The following PKHD1 variants were observed in gnomAD, a reference collection of about 807,000 sequenced individuals.
PKHD1 encodes the protein fibrocystin.
PKHD1 carries 291 observed loss-of-function variants against 412.0 expected under a neutral mutation model. The observed-to-expected ratio is 0.71, with a 90% CI of 0.64 to 0.78. The LOEUF is 0.78. PKHD1 is among the 30% of genes least tolerant of loss of function. The pLI is 0.00. For missense variants in PKHD1, 4,825 were observed against 4,950.7 expected, an observed-to-expected ratio of 0.97 and a Z score of 0.76; for synonymous variants, 1,777 against 1,821.5, an observed-to-expected ratio of 0.98 and a Z score of 0.62.
At chr6:51,885,534 T>A (rs903284403) in intron 45 of PKHD1, among the ~76,000 whole-genome samples, 2 of 152,164 alleles carry the variant, frequency 1.3e-5, no homozygotes, top group African/African-American at 4.8e-5. Flanking sequence ...TTTCTATCTC[T>A]AAGTAGAGAT....
At chr6:52,003,348 A>G (rs1562105465) in intron 35 of PKHD1, among the ~76,000 whole-genome samples, 3 of 152,206 alleles carry the variant, frequency 2.0e-5, no homozygotes, top group Admixed American at 2.0e-4. Flanking sequence ...CTTAAAGACC[A>G]CAGCTTTAAT....
intron 20 of PKHD1, among the ~76,000 whole-genome samples, 179 bp from the exon 21 acceptor site, chr6:52,053,430 G>C (rs1313126939): frequency 5.9e-5 from 9 of 152,184 alleles, no homozygotes; most frequent in Admixed American, 5.9e-4. Context: ...ACCCAAGATG[G>C]GATCAGCTCA....
At position 52,013,173 on chromosome 6, in the gene PKHD1, T is replaced by C. The variant is rs1006667482; in HGVS notation, c.5601-2714A>G. 2.2e-4 allele frequency among the ~76,000 whole-genome samples: 34 copies of C among 152,208 alleles called. 1 individual carries two copies. The highest frequency in any genetic ancestry group is 8.0e-4 in the African/African-American group (33 of 41,452). Reference sequence around the variant, plus strand: ...TCTACATCCTTTCTTGGCCTTGGGCTTCCACTTGCCTCATAAACCTTCTTA... The same window carrying C: ...TCTACATCCTTTCTTGGCCTTGGGCCTCCACTTGCCTCATAAACCTTCTTA... On this transcript the variant is annotated intron_variant, in intron 34 of 66. Transcript: ENST00000371117.
At chr6:51,894,874 T>C (rs929040978) in intron 43 of PKHD1, among the ~76,000 whole-genome samples, 1 of 152,238 alleles carries the variant, frequency 6.6e-6, no homozygotes, top group Non-Finnish European at 1.5e-5. Flanking sequence ...GGGAGCTAGA[T>C]GAAGAGCACA....
chr6:51,912,463 TG>T lies in PKHD1; in HGVS notation c.6234del (p.Ile2079SerfsTer32). ...VDWNPGDEVV[I>X]ISGTGVKGAK... ...GCACCTTTAACACCTGTTCCACTGATGATGACAACTTCATCCCCAGGGTTCC... is the reference window on the plus strand; with the variant it reads ...GCACCTTTAACACCTGTTCCACTGATATGACAACTTCATCCCCAGGGTTCC... On this transcript the variant is annotated frameshift_variant, in exon 38 of 67. Transcript: ENST00000371117. LOFTEE classifies it high-confidence loss of function. 6.2e-7 allele frequency: 1 copy of T among 1,612,762 alleles called. No individual in the cohort carries two copies.
chr6:52,076,577 C>G (rs1811358520), intron 5 of PKHD1, among the ~76,000 whole-genome samples: 1 of 152,184 alleles, frequency 6.6e-6, no homozygotes, highest in Non-Finnish European at 1.5e-5. Context: ...ACATAGCCCT[C>G]TATTCTGTAC....
intron 53 of PKHD1, among the ~76,000 whole-genome samples, chr6:51,779,951 G>A (rs1791699598): frequency 6.6e-6 from 1 of 151,966 alleles, no homozygotes; most frequent in Admixed American, 6.6e-5. Flanking sequence ...TGATAAAGCA[G>A]TTTAACAAAT....
At chr6:51,707,837 T>C (rs986469469) in intron 60 of PKHD1, among the ~76,000 whole-genome samples, 3 of 152,210 alleles carry the variant, frequency 2.0e-5, no homozygotes, top group Non-Finnish European at 4.4e-5. Context: ...AATGCTTTTA[T>C]TCTGTGAATT....
intron 6 of PKHD1, 30 bp downstream of exon 6, chr6:52,076,246 T>G: frequency 6.7e-7 from 1 of 1,500,232 alleles, no homozygotes; most frequent in Non-Finnish European, 9.3e-7. Flanking sequence ...AGATTCACAA[T>G]TATTCCTATT....
At chr6:52,044,295 G>A (rs953844266) in intron 25 of PKHD1, among the ~76,000 whole-genome samples, 3 of 152,064 alleles carry the variant, frequency 2.0e-5, no homozygotes, top group African/African-American at 4.8e-5. Context: ...AATGAGAAAG[G>A]TAAAAAAGAT....
intron 6 of PKHD1, 149 bp from the exon 7 acceptor site, chr6:52,073,690 A>C (rs1296722638): frequency 1.5e-6 from 1 of 659,652 alleles, no homozygotes; most frequent in Non-Finnish European, 2.7e-6. Context: ...ATTGTACAAC[A>C]GTAAGGTCAA....
chr6:51,859,629 C>T (rs1405650250), intron 48 of PKHD1, among the ~76,000 whole-genome samples: 2 of 152,002 alleles, frequency 1.3e-5, no homozygotes, highest in Non-Finnish European at 2.9e-5. Flanking sequence ...CCAAGAATTC[C>T]CCTGGTCACC....
At chr6:51,815,404 A>G (rs543702035) in intron 52 of PKHD1, among the ~76,000 whole-genome samples, 1 of 152,292 alleles carries the variant, frequency 6.6e-6, no homozygotes, top group African/African-American at 2.4e-5. Flanking sequence ...TTTCTAGAAG[A>G]GGTGCCACCA....
intron 36 of PKHD1, 135 bp from the exon 37 acceptor site, chr6:51,934,457 T>C (rs1037043448): frequency 1.4e-5 from 10 of 707,282 alleles, no homozygotes; most frequent in Non-Finnish European, 2.6e-5. Context: ...TGCTCTCTCT[T>C]GTAGAAGCAC....
intron 40 of PKHD1, among the ~76,000 whole-genome samples, chr6:51,908,800 C>G (rs560261504): frequency 6.6e-6 from 1 of 152,058 alleles, no homozygotes. Context: ...CCCCTCATTT[C>G]CCCAGGCAAA....
At position 52,054,077 on chromosome 6, in the gene PKHD1, G is replaced by T. The variant is rs138968608; in HGVS notation, c.1925C>A (p.Thr642Asn). 4 of 1,613,846 alleles carry T rather than the reference G, an allele frequency of 2.5e-6. No homozygotes were observed. In the African/African-American group the frequency reaches 5.3e-5, roughly 22 times the overall value. ...TIGFQNMVKN[T>N]TCDWSLTRTS... ...CCTCGTGAGACTCCAGTCACAGGTG[G>T]TATTCTTTACCATGTTTTGAAAGCC... Residue 642 changes from threonine (T) to asparagine (N), a missense_variant, in exon 20 of 67, where the codon ACC becomes AAC. Transcript: ENST00000371117.
At chr6:51,891,510 C>T (rs1402630972) in intron 43 of PKHD1, among the ~76,000 whole-genome samples, 1 of 152,072 alleles carries the variant, frequency 6.6e-6, no homozygotes, top group Non-Finnish European at 1.5e-5. Context: ...AACTCCCGAC[C>T]TCAGGTGATC....
Position 51,618,161 on chromosome 6 carries a change from A to G in PKHD1, c.*920T>C, listed in dbSNP as rs575104785. 6.6e-6 allele frequency: 1 copy of G among 152,338 alleles called. No homozygotes were observed. The highest frequency in any genetic ancestry group is 2.1e-4 in the South Asian group (1 of 4,828). The allele number at this position is 152,338 out of a possible 1,614,324, so 9.4% of individuals were successfully genotyped here. ...TCCATTTAAACCCCCTGCACAGCCT[A>G]GAGCAGTTGCATATGACATAATCTC... is the stretch of plus-strand genomic sequence containing the variant. On this transcript the variant is annotated 3_prime_UTR_variant, in exon 67 of 67. Transcript: ENST00000371117.
At position 51,903,602 on chromosome 6, in the gene PKHD1, T is replaced by C. The variant is rs777765464; in HGVS notation, c.6991A>G (p.Ile2331Val). Residue 2331 changes from isoleucine (I) to valine (V), a missense_variant, in exon 43 of 67, where the codon ATA becomes GTA. By Grantham distance (29) the Ile-to-Val change is conservative. Transcript: ENST00000371117. ...GGTAGAGCTGAACATCTTACCTCTA[T>C]AACATTGGTGGGACTGCAGATATAG... ...GIYICSPTNV[I>V]EGNRVCGAGY... 3 of 1,610,088 alleles carry C rather than the reference T, an allele frequency of 1.9e-6. No individual in the cohort carries two copies. Among genetic ancestry groups the C allele is most frequent in the South Asian group, 2.2e-5 (2 of 91,036 alleles).
Sources: gnomAD v4.1 joint callset for allele counts (sites outside exome capture counted in the v4.1 genomes callset) on GRCh38, gnomAD v4.1.1 for gene constraint, MANE v1.5 for transcripts, NCBI Gene and HGNC (gene_info 2026-07-23, HGNC 2026-07-21) for gene names.